MMD2: variants seen among roughly 807,000 people sequenced by gnomAD.
MMD2 encodes monocyte to macrophage differentiation associated 2.
A neutral mutation model predicts 33.5 loss-of-function variants in MMD2; 30 were observed. The observed-to-expected ratio is 0.90, with a 90% CI of 0.67 to 1.22. The LOEUF is 1.22. MMD2 is among the 50% of genes most tolerant of loss of function. The probability of loss-of-function intolerance (pLI) is 0.00; values close to 1 mark genes in which losing one functional copy is unlikely to be tolerated. For missense variants in MMD2, 364 were observed against 325.4 expected (o/e 1.12, Z -0.91); for synonymous variants, 129 against 123.0 (o/e 1.05, Z -0.32).
At chr7:4,896,340 C>T in the MMD2 span, among the ~76,000 whole-genome samples, 1 of 152,104 alleles carries the variant, frequency 6.6e-6, no homozygotes, top group Non-Finnish European at 1.5e-5. Context: ...GTTAGCTGGG[C>T]ATGGCAGTGT....
intron 1 of MMD2, among the ~76,000 whole-genome samples, chr7:4,957,866 C>T (rs1786430203): frequency 3.3e-5 from 5 of 152,310 alleles, no homozygotes; most frequent in Middle Eastern, 3.4e-3. Flanking sequence ...CTTCCCTACC[C>T]TGGACACCAT....
chr7:4,949,007 T>C (rs1786166294), intron 1 of MMD2, among the ~76,000 whole-genome samples: 1 of 152,064 alleles, frequency 6.6e-6, no homozygotes, highest in Non-Finnish European at 1.5e-5. Flanking sequence ...CAAAAGATGG[T>C]TGCAGTGAGC....
rs557139642 is a variant in MMD2 at position 4,913,222 on chromosome 7, C to T, written c.366-1976G>A. 4.6e-5 allele frequency among the ~76,000 whole-genome samples: 7 copies of T among 152,014 alleles called. No individual in the cohort carries two copies. In the South Asian group the frequency reaches 6.2e-4, roughly 14 times the overall value. The stretch of plus-strand genomic sequence containing the variant: ...TAGGTCACTGGGTAGAAGGATAGGA[C>T]GGGATGAAGGGAAAGGAGAAAGGGT... On this transcript the variant is annotated intron_variant, in intron 4 of 6. Coordinates refer to ENST00000401401, the MANE Select transcript of MMD2 (RefSeq NM_198403.4).
intron 6 of MMD2, chr7:4,909,620 A>G (rs1784954341): frequency 1.1e-5 from 7 of 618,624 alleles, no homozygotes; most frequent in Admixed American, 2.6e-5. Context: ...TTTTTTTTTT[A>G]GAGATGGGTC....
In MMD2 at chr7:4,909,956, A is replaced by C. The variant is rs1221133361; in HGVS notation, c.468-6T>G. On this transcript the variant is annotated splice_region_variant and splice_polypyrimidine_tract_variant and intron_variant, in intron 5 of 6. Transcript: ENST00000401401. Reference sequence around the variant, plus strand: ...GAAGCTCCACAAGCTTGTACCTGGCAGGAAGACAAGCCGTGCCGGCCTTAG... The same window carrying C: ...GAAGCTCCACAAGCTTGTACCTGGCCGGAAGACAAGCCGTGCCGGCCTTAG... The C allele has an allele frequency of 6.2e-7, 1 of 1,613,922 alleles. No homozygotes were observed. Among genetic ancestry groups the C allele is most frequent in the Admixed American group, 1.7e-5 (1 of 60,022 alleles).
At chr7:4,918,286 T>C (rs778326322) in intron 3 of MMD2, among the ~76,000 whole-genome samples, 2 of 152,214 alleles carry the variant, frequency 1.3e-5, no homozygotes, top group Non-Finnish European at 2.9e-5. Context: ...ACTGTGGCTC[T>C]GTCTAGCAAA....
intron 1 of MMD2, among the ~76,000 whole-genome samples, chr7:4,947,235 C>T (rs1786112893): frequency 6.6e-6 from 1 of 151,784 alleles, no homozygotes; most frequent in Non-Finnish European, 1.5e-5. Context: ...AAGAGAAAAG[C>T]GGTTTAGTTG....
rs1007233743 is a variant in MMD2, at chr7:4,958,843, G to A, written c.47+128C>T. On this transcript the variant is annotated intron_variant, in intron 1 of 6. Transcript: ENST00000401401. Reference sequence around the variant, plus strand: ...CTGGGTCCTGGTTTTCTCGGGCGGGGGTCAGGGGTCCGCCGATCCCCTCTA... The same window carrying A: ...CTGGGTCCTGGTTTTCTCGGGCGGGAGTCAGGGGTCCGCCGATCCCCTCTA... 82 of 799,566 alleles carry A rather than the reference G, an allele frequency of 1.0e-4. No homozygotes were observed. In the African/African-American group the frequency reaches 1.3e-3, roughly 13 times the overall value. The allele number at this position is 799,566 out of a possible 1,614,324, so 49.5% of individuals were successfully genotyped here.
chr7:4,944,963 G>A (rs1463397642), intron 1 of MMD2, among the ~76,000 whole-genome samples: 1 of 150,202 alleles, frequency 6.7e-6, no homozygotes, highest in African/African-American at 2.4e-5. Context: ...CAGAGACGGG[G>A]TTTCACCATG....
At chr7:4,905,922 G>GCA, downstream of MMD2, 1 of 152,894 alleles carries the variant, frequency 6.5e-6, no homozygotes, top group Non-Finnish European at 1.5e-5. The surrounding 1 kb of genome is among the most constrained non-coding windows in gnomAD (Gnocchi z 5.0). Context: ...ACATATACAC[G>GCA]CACACACACA....
chr7:4,895,198 T>A, the MMD2 span, among the ~76,000 whole-genome samples: 58 of 151,356 alleles, frequency 3.8e-4, no homozygotes, highest in African/African-American at 1.4e-3. Context: ...TGCCTCAGCC[T>A]CTTGAATAGC....
At chr7:4,911,997 G>A (rs1785026630) in intron 4 of MMD2, among the ~76,000 whole-genome samples, 1 of 152,098 alleles carries the variant, frequency 6.6e-6, no homozygotes, top group South Asian at 2.1e-4. Flanking sequence ...TGCTACTTGA[G>A]AAGCTGGGGT....
rs146469341 is a variant in MMD2, at chr7:4,944,801, T to C, written c.47+14170A>G. On this transcript the variant is annotated intron_variant, in intron 1 of 6. Transcript: ENST00000401401. ...TTTTTTTTTTGAGACAGAGTCTTGCTTTGTCGCCTAGGCTGGAGTGAAGTG... is the reference window on the plus strand; with the variant it reads ...TTTTTTTTTTGAGACAGAGTCTTGCCTTGTCGCCTAGGCTGGAGTGAAGTG... Among the ~76,000 whole-genome samples, 544 of 145,670 alleles carry C rather than the reference T, an allele frequency of 3.7e-3. 1 individual carries two copies. Among genetic ancestry groups the C allele is most frequent in the African/African-American group, 0.013 (497 of 39,074 alleles).
Position 4,907,433 on chromosome 7 carries a change from T to C in MMD2, c.704A>G (p.Tyr235Cys), listed in dbSNP as rs1784891518. The C allele has an allele frequency of 1.2e-6, 2 of 1,613,920 alleles. No homozygotes were observed. The highest frequency in any genetic ancestry group is 1.7e-6 in the Non-Finnish European group (2 of 1,179,898). ...THYYAIWRYL[Y>C]LPSTLQTKVS... ...CTTGGTCTGCAGGGTGCTGGGCAGA[T>C]AGAGGTACCTCCAGATGGCATAGTA... Residue 235 changes from tyrosine to cysteine, a missense_variant, in exon 7 of 7, where the codon TAT becomes TGT. Tyr to Cys is a radical substitution (Grantham distance 194). Coordinates refer to ENST00000401401, the MANE Select transcript of MMD2 (RefSeq NM_198403.4).
chr7:4,951,314 G>A (rs1786236407), intron 1 of MMD2, among the ~76,000 whole-genome samples: 1 of 151,998 alleles, frequency 6.6e-6, no homozygotes, highest in Non-Finnish European at 1.5e-5. Flanking sequence ...AGCCCTTAAT[G>A]GTGCCATAGA....
rs1784884361 is a variant in MMD2, at chr7:4,907,193, T to A, written c.*203A>T. On this transcript the variant is annotated 3_prime_UTR_variant, in exon 7 of 7. Transcript: ENST00000401401. ...ATAGAAACACATTACAGGGTTAATTTCTCCTCTGTAAGAATGGCTAAATGC... is the reference window on the plus strand; with the variant it reads ...ATAGAAACACATTACAGGGTTAATTACTCCTCTGTAAGAATGGCTAAATGC... 2 of 584,822 alleles carry A rather than the reference T, an allele frequency of 3.4e-6. No homozygotes were observed. Among genetic ancestry groups the A allele is most frequent in the Admixed American group, 3.0e-5 (1 of 33,188 alleles). 36.2% of individuals were successfully genotyped at this position (584,822 alleles called of 1,614,324 possible).
chr7:4,919,809 T>C (rs936727985), intron 3 of MMD2, among the ~76,000 whole-genome samples: 8 of 149,034 alleles, frequency 5.4e-5, no homozygotes, highest in Non-Finnish European at 1.2e-4. Context: ...GGCGGGAGAA[T>C]TGCTTGAACC....
chr7:4,939,239 G>C (rs1324623290), intron 1 of MMD2, among the ~76,000 whole-genome samples: 2 of 150,580 alleles, frequency 1.3e-5, no homozygotes, highest in South Asian at 2.1e-4. Flanking sequence ...GAGGAGGGGA[G>C]GTGCTAGGTA....
rs1187382939 is a variant in MMD2, at chr7:4,959,114, C to CGCG, written c.-100_-98dup. 2 of 1,019,596 alleles carry CGCG rather than the reference C, an allele frequency of 2.0e-6. No individual in the cohort carries two copies. The highest frequency in any genetic ancestry group is 3.4e-5 in the African/African-American group (2 of 58,936). 63.2% of individuals were successfully genotyped at this position (1,019,596 alleles called of 1,614,324 possible). A position where few individuals can be genotyped will look rare whatever the true frequency, so the allele number is the denominator to read the frequency against. ...GGCGGCAGCAGCAGGTTGGAGGGCG[C>CGCG]GCGGCGGGGGCCAAGGGGACCTGGT... On this transcript the variant is annotated 5_prime_UTR_variant, in exon 1 of 7. Transcript: ENST00000401401.
Sources: allele counts gnomAD v4.1 joint callset (sites outside exome capture counted in the v4.1 genomes callset), GRCh38; gene constraint gnomAD v4.1.1; non-coding constraint Gnocchi (gnomAD v3.1); transcripts MANE v1.5; gene names NCBI Gene and HGNC (gene_info 2026-07-23, HGNC 2026-07-21).